HERC4: variants seen among roughly 807,000 people sequenced by gnomAD.
HERC4 encodes the protein probable E3 ubiquitin-protein ligase HERC4.
HERC4 carries 28 observed loss-of-function variants against 124.3 expected under a neutral mutation model. The observed-to-expected ratio is 0.23, with a 90% CI of 0.17 to 0.31. HERC4 has a LOEUF of 0.31. HERC4 is among the 10% of genes least tolerant of loss of function. The pLI is 1.00. For synonymous variants in HERC4, 407 were observed against 421.5 expected (o/e 0.97, Z 0.42); for missense variants, 713 against 1,229.3 (o/e 0.58, Z 6.28).
At chr10:67,974,109 C>T (rs2035430632) in intron 15 of HERC4, among the ~76,000 whole-genome samples, 1 of 143,398 alleles carries the variant, frequency 7.0e-6, no homozygotes, top group African/African-American at 2.6e-5. Flanking sequence ...CACACACACA[C>T]ACACACACAC....
intron 3 of HERC4, chr10:68,069,677 A>G (rs1277019440): frequency 6.1e-6 from 6 of 985,294 alleles, no homozygotes; most frequent in Non-Finnish European, 7.2e-6. Context: ...GTATATTTAT[A>G]AAGCCAACCT....
At chr10:68,021,231 G>T (rs1230852857) in intron 8 of HERC4, among the ~76,000 whole-genome samples, 1 of 152,196 alleles carries the variant, frequency 6.6e-6, no homozygotes, top group Non-Finnish European at 1.5e-5. Context: ...AAATACTTAA[G>T]AACTGAATTC....
chr10:67,977,385 T>C (rs2035658452), intron 15 of HERC4, among the ~76,000 whole-genome samples: 1 of 152,168 alleles, frequency 6.6e-6, no homozygotes, highest in South Asian at 2.1e-4. Context: ...GAAGAGCCCT[T>C]GGGTCCCTGA....
chr10:67,952,568 G>A (rs556197744), intron 19 of HERC4, among the ~76,000 whole-genome samples: 37 of 150,952 alleles, frequency 2.5e-4, no homozygotes, highest in South Asian at 1.1e-3. Context: ...CACTGGGCCC[G>A]GCCAAAAAAA....
chr10:67,929,365 C>G (rs1486547955), intron 23 of HERC4, among the ~76,000 whole-genome samples: 2 of 152,134 alleles, frequency 1.3e-5, no homozygotes, highest in Admixed American at 1.3e-4. Flanking sequence ...TCTGAAGTCA[C>G]ACCCTCCCAC....
intron 17 of HERC4, chr10:67,956,173 C>G (rs1273957352): frequency 1.3e-5 from 2 of 152,076 alleles, no homozygotes; most frequent in Non-Finnish European, 2.9e-5. Flanking sequence ...TTTCCTTAAT[C>G]CTTAGTTGGT....
At chr10:68,059,553 ATATATATCATAATAT>A (rs1440865572) in intron 3 of HERC4, among the ~76,000 whole-genome samples, 2 of 88,124 alleles carry the variant, frequency 2.3e-5, no homozygotes, top group Non-Finnish European at 4.0e-5. Context: ...ATATATCATA[ATATATATCATAATAT>A]TATATATCAT....
intron 9 of HERC4, chr10:67,993,121 G>A (rs866802151): frequency 1.3e-5 from 2 of 152,540 alleles, no homozygotes; most frequent in African/African-American, 2.4e-5. Context: ...GAGGTGGGAG[G>A]ATCATTTGAT....
At chr10:67,925,280 G>T in intron 23 of HERC4, 93 bp from the exon 24 acceptor site, 1 of 641,162 alleles carries the variant, frequency 1.6e-6, no homozygotes, top group Non-Finnish European at 2.7e-6. Context: ...TTTGCAACTT[G>T]TGCAATTCAA....
At chr10:67,940,320 A>G (rs1456289114) in intron 20 of HERC4, among the ~76,000 whole-genome samples, 1 of 152,230 alleles carries the variant, frequency 6.6e-6, no homozygotes, top group African/African-American at 2.4e-5. Context: ...ATCAGAAGTA[A>G]AAGTCCAAAT....
At chr10:67,926,123 G>T (rs924953425) in intron 23 of HERC4, among the ~76,000 whole-genome samples, 1 of 152,098 alleles carries the variant, frequency 6.6e-6, no homozygotes, top group Admixed American at 6.6e-5. Flanking sequence ...GGCCGGGCGC[G>T]GTGGCTCACG....
chr10:67,958,373 TTTGGCTTCAAAA>T (rs2034280823), intron 16 of HERC4, among the ~76,000 whole-genome samples: 2 of 125,454 alleles, frequency 1.6e-5, no homozygotes, highest in Non-Finnish European at 3.9e-5. Flanking sequence ...CAAAGCACCC[TTTGGCTTCAAAA>T]CTCTATGTTT....
At chr10:68,046,802 A>G (rs2040035079) in intron 3 of HERC4, among the ~76,000 whole-genome samples, 1 of 152,176 alleles carries the variant, frequency 6.6e-6, no homozygotes, top group Non-Finnish European at 1.5e-5. Flanking sequence ...CCTCGTCTCT[A>G]CAAATAATTT....
chr10:67,960,318 C>T (rs1038640117), intron 16 of HERC4, among the ~76,000 whole-genome samples: 1 of 152,178 alleles, frequency 6.6e-6, no homozygotes, highest in Non-Finnish European at 1.5e-5. Flanking sequence ...AGACTCTGCC[C>T]TGTGTGTTTC....
At chr10:68,020,724 G>A (rs1190257706) in intron 8 of HERC4, among the ~76,000 whole-genome samples, 9 of 149,716 alleles carry the variant, frequency 6.0e-5, no homozygotes, top group South Asian at 4.2e-4. Context: ...AGCTGAGATC[G>A]CGCCACTGCA....
intron 9 of HERC4, among the ~76,000 whole-genome samples, chr10:68,009,115 T>C (rs1380994627): frequency 6.6e-6 from 1 of 151,882 alleles, no homozygotes; most frequent in Middle Eastern, 3.4e-3. Flanking sequence ...TCCTAGCTAC[T>C]AGGGTGACTA....
At chr10:67,981,171 A>T (rs1016397529) in intron 15 of HERC4, among the ~76,000 whole-genome samples, 1 of 152,216 alleles carries the variant, frequency 6.6e-6, no homozygotes, top group Middle Eastern at 3.2e-3. Flanking sequence ...TTATAAAGAC[A>T]AACAGACTCA....
chr10:68,058,308 T>C (rs940177328), intron 3 of HERC4, among the ~76,000 whole-genome samples: 2 of 152,010 alleles, frequency 1.3e-5, no homozygotes, highest in African/African-American at 2.4e-5. Context: ...CCTAGCACAA[T>C]ATCAAGGGCA....
intron 19 of HERC4, among the ~76,000 whole-genome samples, chr10:67,946,550 TAGA>T (rs1445274093): frequency 3.9e-5 from 6 of 151,972 alleles, no homozygotes; most frequent in African/African-American, 1.2e-4. Context: ...ACAAAAACTA[TAGA>T]AGAAGACAAA....
Sources: gnomAD v4.1 joint callset for allele counts (sites outside exome capture counted in the v4.1 genomes callset) on GRCh38, gnomAD v4.1.1 for gene constraint, MANE v1.5 for transcripts, NCBI Gene and HGNC (gene_info 2026-07-23, HGNC 2026-07-21) for gene names.